LVRN: variants seen among roughly 807,000 people sequenced by gnomAD.
LVRN encodes the protein aminopeptidase Q.
In LVRN, 99 loss-of-function variants were observed where a neutral mutation model predicts 111.4. That is an observed-to-expected ratio of 0.89 (90% CI 0.76 to 1.05). The LOEUF is 1.05. Ranked by LOEUF, LVRN falls within the 50% of genes least tolerant of loss-of-function variation. The probability of loss-of-function intolerance (pLI) is 0.00; values close to 1 mark genes in which losing one functional copy is unlikely to be tolerated. For missense variants in LVRN, 1,414 were observed against 1,206.8 expected, an observed-to-expected ratio of 1.17 and a Z score of -2.54; for synonymous variants, 488 against 449.5, an observed-to-expected ratio of 1.09 and a Z score of -1.08.
At chr5:115,973,711 G>T (rs747010395) in intron 1 of LVRN, among the ~76,000 whole-genome samples, 2 of 151,960 alleles carry the variant, frequency 1.3e-5, no homozygotes, top group African/African-American at 4.8e-5. Context: ...AAAATATTTC[G>T]TTATTATTTT....
chr5:116,005,336 G>A (rs1426159530), intron 12 of LVRN, among the ~76,000 whole-genome samples: 1 of 152,214 alleles, frequency 6.6e-6, no homozygotes, highest in Admixed American at 6.5e-5. Context: ...GCAGAATCCT[G>A]TGGCCTGGCA....
intron 14 of LVRN, among the ~76,000 whole-genome samples, chr5:116,011,210 A>G (rs922197710): frequency 2.7e-5 from 4 of 150,696 alleles, no homozygotes; most frequent in Non-Finnish European, 4.4e-5. Context: ...TTTTAGGGAA[A>G]AGGATAGTAT....
intron 1 of LVRN, among the ~76,000 whole-genome samples, chr5:115,969,310 G>T (rs989182035): frequency 6.6e-6 from 1 of 151,806 alleles, no homozygotes; most frequent in East Asian, 1.9e-4. Context: ...TCTTCTCTGG[G>T]ACTCCAATTA....
chr5:116,003,655 C>A (rs573860489), intron 12 of LVRN, among the ~76,000 whole-genome samples: 172 of 149,966 alleles, frequency 1.1e-3, no homozygotes, highest in Non-Finnish European at 1.7e-3. Flanking sequence ...GATCTCGGCT[C>A]ACTGCAAGCT....
chr5:115,987,990 C>G (rs746686454), intron 4 of LVRN, 51 bp downstream of exon 4: 8 of 1,581,180 alleles, frequency 5.1e-6, no homozygotes, highest in Non-Finnish European at 6.9e-6. Context: ...TATTTGGGCC[C>G]TTGGTTGAGG....
chr5:115,980,202 A>C (rs1424306933), intron 1 of LVRN, among the ~76,000 whole-genome samples: 2 of 152,004 alleles, frequency 1.3e-5, no homozygotes. Flanking sequence ...AGGGTGGTGG[A>C]TGGTTCTATT....
intron 7 of LVRN, 103 bp from the exon 8 acceptor site, chr5:116,000,330 T>C (rs1748211935): frequency 6.8e-7 from 1 of 1,466,416 alleles, no homozygotes; most frequent in Non-Finnish European, 9.5e-7. Flanking sequence ...AAATGCAAAA[T>C]GCAATCAGGA....
chr5:115,988,504 A>G (rs554003178), intron 4 of LVRN, among the ~76,000 whole-genome samples: 1 of 152,334 alleles, frequency 6.6e-6, no homozygotes, highest in East Asian at 1.9e-4. Context: ...TGTTCTTAAA[A>G]TTGTATGAGC....
At chr5:115,984,522 G>A (rs778730062) in intron 2 of LVRN, 48 bp from the exon 3 acceptor site, 15 of 1,598,588 alleles carry the variant, frequency 9.4e-6, no homozygotes, top group Non-Finnish European at 1.3e-5. Flanking sequence ...TCAAAGACAT[G>A]TAATTGCTTA....
At position 116,010,869 on chromosome 5, in the gene LVRN, T is replaced by A. The variant is rs1748474782; in HGVS notation, c.2222T>A (p.Ile741Asn). Reference protein sequence around the residue: ...VTRDLVSEVNIYDIYSLLKRY... With the variant: ...VTRDLVSEVNNYDIYSLLKRY... The stretch of plus-strand genomic sequence containing the variant: ...AGGGATCTTGTTTCTGAGGTGAACA[T>A]CTATGATATATACTCATTATTAAAG... The change falls in exon 14 of 20, where the codon ATC (isoleucine) becomes AAC (asparagine). Residue 741 changes from isoleucine to asparagine, a missense_variant. By Grantham distance (149) the Ile-to-Asn change is moderately radical (BLOSUM62 -3). Coordinates refer to ENST00000357872, the MANE Select transcript of LVRN (RefSeq NM_173800.5). The A allele has an allele frequency of 6.2e-7, 1 of 1,607,844 alleles. No individual in the cohort carries two copies. Among genetic ancestry groups the A allele is most frequent in the African/African-American group, 1.3e-5 (1 of 74,676 alleles).
intron 6 of LVRN, among the ~76,000 whole-genome samples, chr5:115,994,908 G>C (rs1748072693): frequency 6.6e-6 from 1 of 152,094 alleles, no homozygotes; most frequent in Admixed American, 6.6e-5. Flanking sequence ...TTCTTGGTTT[G>C]CATCTTCTTC....
chr5:116,004,064 G>T (rs368452446), intron 12 of LVRN, among the ~76,000 whole-genome samples: 1 of 152,126 alleles, frequency 6.6e-6, no homozygotes, highest in Non-Finnish European at 1.5e-5. Flanking sequence ...ATGAGGATTA[G>T]AGATCATGTA....
chr5:115,996,783 A>G (rs1182928821), intron 6 of LVRN, among the ~76,000 whole-genome samples: 1 of 152,112 alleles, frequency 6.6e-6, no homozygotes, highest in Non-Finnish European at 1.5e-5. Context: ...AGTCTTGGTG[A>G]AGGGAAAAGG....
chr5:116,024,070 C>T (rs940824595), intron 19 of LVRN, among the ~76,000 whole-genome samples: 1 of 152,078 alleles, frequency 6.6e-6, no homozygotes, highest in African/African-American at 2.4e-5. Context: ...TGACAAAGGG[C>T]AGATCAGTGG....
intron 3 of LVRN, among the ~76,000 whole-genome samples, chr5:115,985,766 C>T (rs1193798736): frequency 6.6e-6 from 1 of 152,148 alleles, no homozygotes; most frequent in Non-Finnish European, 1.5e-5. Context: ...TATAATAATC[C>T]TTTAGGAAAA....
chr5:116,015,179 ATACTTCTAAAATATG>A, intron 16 of LVRN, 58 bp from the exon 17 acceptor site: 1 of 850,034 alleles, frequency 1.2e-6, no homozygotes, highest in Non-Finnish European at 1.6e-6. Flanking sequence ...TTCTAGATTC[ATACTTCTAAAATATG>A]ATAACCTGGG....
At position 116,026,099 on chromosome 5, in the gene LVRN, G is replaced by A. The variant is rs749947833; in HGVS notation, c.2954G>A (p.Trp985Ter). 6.2e-7 allele frequency: 1 copy of A among 1,613,786 alleles called. No homozygotes were observed. The highest frequency in any genetic ancestry group is 8.5e-7 in the Non-Finnish European group (1 of 1,179,794). The change falls in exon 20 of 20, where the codon TGG (tryptophan) becomes TAG (stop). Residue 985 changes from tryptophan (W) to a stop codon, truncating the protein, a stop_gained. Coordinates refer to ENST00000357872, the MANE Select transcript of LVRN (RefSeq NM_173800.5). LOFTEE classifies it high-confidence loss of function. The stretch of plus-strand genomic sequence containing the variant: ...AAGCTAAGTGCCAGGATAGCTGCGT[G>A]GCTAAGGAGAAACACATAGCTTGTG... The part of the protein sequence containing the change: ...NKKLSARIAA[W>*]LRRNT
At chr5:115,982,928 T>C (rs1054205250) in intron 1 of LVRN, among the ~76,000 whole-genome samples, 1 of 152,194 alleles carries the variant, frequency 6.6e-6, no homozygotes, top group African/African-American at 2.4e-5. Flanking sequence ...CAATGGACCA[T>C]TCTCAAAGAA....
chr5:115,984,276 G>A (rs979729440), intron 2 of LVRN, among the ~76,000 whole-genome samples: 2 of 152,112 alleles, frequency 1.3e-5, no homozygotes, highest in Admixed American at 6.6e-5. Context: ...GAAAACAATA[G>A]AATTAGGTGG....
Sources: allele counts gnomAD v4.1 joint callset (sites outside exome capture counted in the v4.1 genomes callset), GRCh38; gene constraint gnomAD v4.1.1; transcripts MANE v1.5; gene names NCBI Gene and HGNC (gene_info 2026-07-23, HGNC 2026-07-21).